Variants in SEC16B observed in about 807,000 individuals in gnomAD.
SEC16B encodes protein transport protein Sec16B.
Under a neutral mutation model 141.8 loss-of-function variants are expected in SEC16B, and 115 were observed. That is an observed-to-expected ratio of 0.81 (90% CI 0.70 to 0.95). SEC16B has a LOEUF of 0.95. SEC16B is among the 40% of genes least tolerant of loss of function. SEC16B has a pLI of 0.00. For synonymous variants in SEC16B, 493 were observed against 492.5 expected (o/e 1.00, Z -0.01); for missense variants, 1,291 against 1,312.3 (o/e 0.98, Z 0.25).
At chr1:177,966,847 T>C (rs556306850) in intron 2 of SEC16B, among the ~76,000 whole-genome samples, 1 of 152,326 alleles carries the variant, frequency 6.6e-6, no homozygotes, top group East Asian at 1.9e-4. Context: ...AGTGCTGGGA[T>C]TACAGGCGTG....
chr1:177,933,504 C>G lies in SEC16B; in HGVS notation c.2704G>C (p.Asp902His). 3 of 1,613,538 alleles carry G rather than the reference C, an allele frequency of 1.9e-6. No homozygotes were observed. Among genetic ancestry groups the G allele is most frequent in the Non-Finnish European group, 2.5e-6 (3 of 1,179,722 alleles). Residue 902 changes from aspartate to histidine, a missense_variant, in exon 21 of 26, where the codon GAT (aspartate) becomes CAT (histidine). Around this residue, in one of 3 missense-constraint regions of SEC16B, gnomAD observed 605 missense variants for 614.1 expected, o/e 0.99. Transcript: ENST00000308284. ...TCCACCTTTGTATGCTCCTTCCCATCTCCGAGCTTGCCTCTCTGGGCAGTA... is the reference window on the plus strand; with the variant it reads ...TCCACCTTTGTATGCTCCTTCCCATGTCCGAGCTTGCCTCTCTGGGCAGTA... ...RNTAQRGKLG[D>H]GKEHTKSSGF...
intron 14 of SEC16B, chr1:177,945,996 G>C: frequency 3.0e-6 from 1 of 330,292 alleles, no homozygotes; most frequent in South Asian, 6.0e-5. Flanking sequence ...CCCAAAGAGG[G>C]ACTAAACATA....
chr1:177,934,868 A>G (rs2101902824), intron 20 of SEC16B, among the ~76,000 whole-genome samples: 1 of 152,192 alleles, frequency 6.6e-6, no homozygotes, highest in East Asian at 1.9e-4. Context: ...ACAATGATTA[A>G]CGACAACATG....
intron 17 of SEC16B, 52 bp from the exon 18 acceptor site, chr1:177,939,829 A>T (rs1056955020): frequency 1.5e-6 from 2 of 1,359,694 alleles, no homozygotes; most frequent in African/African-American, 2.9e-5. Context: ...GAAAAACAAG[A>T]ACAGAGAAAC....
chr1:177,975,395 T>A (rs1374643026), intron 1 of SEC16B, among the ~76,000 whole-genome samples: 3 of 152,080 alleles, frequency 2.0e-5, no homozygotes. Context: ...ATAGCCTGAG[T>A]ATAGAATTAA....
intron 12 of SEC16B, chr1:177,948,715 C>T (rs890762386): frequency 8.2e-7 from 1 of 1,216,320 alleles, no homozygotes; most frequent in Non-Finnish European, 1.1e-6. Flanking sequence ...AACACAGGCC[C>T]CAACTCGAGT....
At chr1:177,961,148 C>T in intron 6 of SEC16B, 1 of 558,008 alleles carries the variant, frequency 1.8e-6, no homozygotes, top group South Asian at 2.2e-5. Context: ...AATGCGTGGG[C>T]TTGATGATTC....
At position 177,933,987 on chromosome 1, in the gene SEC16B, G is replaced by GCCC. The variant is rs200989084; in HGVS notation, c.2572-352_2572-351insGGG. 4.8e-4 allele frequency among the ~76,000 whole-genome samples: 70 copies of GCCC among 144,832 alleles called. 1 individual carries two copies. The highest frequency in any genetic ancestry group is 1.8e-3 in the African/African-American group (68 of 38,768). On this transcript the variant is annotated intron_variant, in intron 20 of 25. Coordinates refer to ENST00000308284, the MANE Select transcript of SEC16B (RefSeq NM_033127.4). ...GAAAACAACCCACAGAGGCCCACAA[G>GCCC]CTCCCCCCAAAAAAAAAAAAACAGA...
In SEC16B at chr1:177,932,959, C is replaced by A. The variant is rs989937907; in HGVS notation, c.2824-153G>T. On this transcript the variant is annotated intron_variant, in intron 22 of 25. Coordinates refer to ENST00000308284, the MANE Select transcript of SEC16B (RefSeq NM_033127.4). Reference sequence around the variant, plus strand: ...CCCCCCTCCTCATCCCACTCTTCTGCTCAACAATCCACACTAGCTCCCTAC... The same window carrying A: ...CCCCCCTCCTCATCCCACTCTTCTGATCAACAATCCACACTAGCTCCCTAC... The A allele has an allele frequency of 1.1e-5, 8 of 761,020 alleles. No individual in the cohort carries two copies. The African/African-American group carries it at 1.4e-4, about 13-fold the overall frequency. 47.1% of individuals were successfully genotyped at this position (761,020 alleles called of 1,614,324 possible).
At chr1:177,972,931 AG>A (rs1654021296), upstream of SEC16B, among the ~76,000 whole-genome samples, 1 of 152,294 alleles carries the variant, frequency 6.6e-6, no homozygotes, top group Middle Eastern at 3.4e-3. Context: ...TACAACCAAA[AG>A]ATGGCCATCT....
intron 16 of SEC16B, among the ~76,000 whole-genome samples, chr1:177,941,393 C>G (rs1489371290): frequency 6.6e-6 from 1 of 152,156 alleles, no homozygotes; most frequent in African/African-American, 2.4e-5. Flanking sequence ...ATGGATTTTT[C>G]TTCAATTAAT....
intron 17 of SEC16B, among the ~76,000 whole-genome samples, chr1:177,940,100 GT>G (rs913382104): frequency 2.0e-5 from 3 of 152,154 alleles, no homozygotes; most frequent in African/African-American, 7.2e-5. Context: ...AATCCACCCT[GT>G]CTTTTCTTCA....
intron 2 of SEC16B, among the ~76,000 whole-genome samples, chr1:177,966,210 T>G (rs1326147030): frequency 6.6e-6 from 1 of 152,202 alleles, no homozygotes; most frequent in East Asian, 1.9e-4. Context: ...GGAGTAGAAT[T>G]TTTATAGTAC....
chr1:177,957,870 A>G (rs1291546662), intron 10 of SEC16B, among the ~76,000 whole-genome samples: 3 of 144,780 alleles, frequency 2.1e-5, no homozygotes, highest in Non-Finnish European at 3.0e-5. Flanking sequence ...CATGAGTTCA[A>G]TTGTTTTGAT....
At chr1:177,977,377 A>G (rs910936791) in intron 1 of SEC16B, among the ~76,000 whole-genome samples, 1 of 152,168 alleles carries the variant, frequency 6.6e-6, no homozygotes, top group Admixed American at 6.5e-5. Flanking sequence ...TCATGCACAC[A>G]TGGCTCTTTC....
intron 16 of SEC16B, 144 bp downstream of exon 16, chr1:177,941,756 T>C: frequency 1.2e-6 from 1 of 832,938 alleles, no homozygotes; most frequent in Non-Finnish European, 1.9e-6. Flanking sequence ...CATCTGGGCA[T>C]GCATACATGG....
chr1:177,935,646 G>A (rs1227272145), intron 20 of SEC16B, among the ~76,000 whole-genome samples: 2 of 148,680 alleles, frequency 1.3e-5, no homozygotes, highest in African/African-American at 5.0e-5. Flanking sequence ...TAACAATAAT[G>A]TACCACTTCA....
chr1:177,947,826 C>G lies in SEC16B; in HGVS notation c.1662G>C (p.Leu554=). The G allele has an allele frequency of 6.6e-7, 1 of 1,525,808 alleles. No homozygotes were observed. Among genetic ancestry groups the G allele is most frequent in the Non-Finnish European group, 8.8e-7 (1 of 1,134,710 alleles). The allele number at this position is 1,525,808 out of a possible 1,614,324, so 94.5% of individuals were successfully genotyped here. The change falls in exon 13 of 26, where the codon CTG becomes CTC. Residue 554 remains leucine, a splice_region_variant and synonymous_variant. Transcript: ENST00000308284. ...AGGGGAAATGCTGGTGTCGCTTACCCAGGGTGTCCCCAATGGCAACAATCG... is the reference window on the plus strand; with the variant it reads ...AGGGGAAATGCTGGTGTCGCTTACCGAGGGTGTCCCCAATGGCAACAATCG... The part of the protein sequence containing the change: ...QRAIVAIGDT[L]AGKGLVEAAH...
chr1:177,948,439 T>C (rs1216200237), intron 12 of SEC16B: 7 of 1,304,236 alleles, frequency 5.4e-6, no homozygotes, highest in Non-Finnish European at 7.1e-6. Flanking sequence ...ACACATCCTC[T>C]TAATCTTCAC....
Sources: allele counts gnomAD v4.1 joint callset (sites outside exome capture counted in the v4.1 genomes callset), GRCh38; gene constraint gnomAD v4.1.1; regional missense constraint gnomAD v4.1.1; transcripts MANE v1.5; gene names NCBI Gene and HGNC (gene_info 2026-07-23, HGNC 2026-07-21).